Variants in CFDP1 observed in about 807,000 individuals in gnomAD.
CFDP1 encodes heterochromatin-stabilizing protein CFDP1.
CFDP1 carries 31 observed loss-of-function variants against 40.1 expected under a neutral mutation model. That is an observed-to-expected ratio of 0.77 (90% CI 0.58 to 1.04). CFDP1 has a LOEUF of 1.04. Ranked by LOEUF, CFDP1 falls within the 50% of genes least tolerant of loss-of-function variation. The pLI is 0.00. For missense variants in CFDP1, 423 were observed against 343.4 expected (o/e 1.23, Z -1.83); for synonymous variants, 167 against 120.0 (o/e 1.39, Z -2.56).
At chr16:75,343,800 A>G (rs945648955) in intron 5 of CFDP1, among the ~76,000 whole-genome samples, 4 of 152,220 alleles carry the variant, frequency 2.6e-5, no homozygotes, top group Non-Finnish European at 4.4e-5. Flanking sequence ...CTCGCGCATG[A>G]AAGGCTGATT....
At chr16:75,411,395 A>G (rs1484122782) in intron 4 of CFDP1, among the ~76,000 whole-genome samples, 1 of 152,162 alleles carries the variant, frequency 6.6e-6, no homozygotes, top group Non-Finnish European at 1.5e-5. Context: ...TGGGCTACAG[A>G]GCAAGACTCC....
At chr16:75,426,149 A>C (rs1310754244) in intron 1 of CFDP1, among the ~76,000 whole-genome samples, 1 of 151,402 alleles carries the variant, frequency 6.6e-6, no homozygotes, top group East Asian at 1.9e-4. Context: ...TTGGGAGTTC[A>C]AGACCAGCCT....
chr16:75,347,762 T>C (rs913536146), intron 5 of CFDP1, among the ~76,000 whole-genome samples: 2 of 152,224 alleles, frequency 1.3e-5, no homozygotes, highest in African/African-American at 4.8e-5. Flanking sequence ...AAACTCCATC[T>C]TGACCAAATG....
Position 75,347,632 on chromosome 16 carries a change from T to C in CFDP1, c.651-42450A>G, listed in dbSNP as rs568633137. Among the ~76,000 whole-genome samples, 8 of 152,112 alleles carry C rather than the reference T, an allele frequency of 5.3e-5. No homozygotes were observed. The South Asian group carries it at 1.7e-3, about 32-fold the overall frequency. ...AGGCGGAGGTTGCAGTGAGCTGAGA[T>C]CGCGCCACTGCACTCCAGCCTGGGT... On this transcript the variant is annotated intron_variant, in intron 5 of 6. Transcript: ENST00000283882.
At chr16:75,344,440 G>T (rs918649912) in intron 5 of CFDP1, among the ~76,000 whole-genome samples, 1 of 152,160 alleles carries the variant, frequency 6.6e-6, no homozygotes, top group African/African-American at 2.4e-5. Context: ...TATGCCATTA[G>T]AAAAGTAACT....
chr16:75,409,958 A>G (rs976255855), intron 4 of CFDP1, among the ~76,000 whole-genome samples: 4 of 150,552 alleles, frequency 2.7e-5, no homozygotes, highest in African/African-American at 7.3e-5. Flanking sequence ...AGAGTAGTAC[A>G]TCCCTGAAGT....
At chr16:75,384,588 C>T (rs1464456033) in intron 5 of CFDP1, among the ~76,000 whole-genome samples, 1 of 151,970 alleles carries the variant, frequency 6.6e-6, no homozygotes. Flanking sequence ...CCCAGCAATC[C>T]CACTTCTAAA....
chr16:75,373,102 C>T (rs958294973), intron 5 of CFDP1, among the ~76,000 whole-genome samples: 1 of 152,176 alleles, frequency 6.6e-6, no homozygotes, highest in Admixed American at 6.5e-5. Context: ...TATGCTGGAG[C>T]AGCTACTCCC....
chr16:75,394,066 G>T (rs1001109895), intron 5 of CFDP1, among the ~76,000 whole-genome samples: 1 of 152,036 alleles, frequency 6.6e-6, no homozygotes, highest in African/African-American at 2.4e-5. Context: ...AAAAAAAAAT[G>T]TGAAACAAAA....
intron 5 of CFDP1, among the ~76,000 whole-genome samples, chr16:75,324,157 G>C (rs1244531234): frequency 1.3e-5 from 2 of 152,084 alleles, no homozygotes; most frequent in East Asian, 3.9e-4. Context: ...AATTACATTA[G>C]GAGAAAACCA....
intron 5 of CFDP1, among the ~76,000 whole-genome samples, chr16:75,318,981 C>G (rs887522401): frequency 1.3e-5 from 2 of 152,176 alleles, no homozygotes; most frequent in Admixed American, 1.3e-4. Flanking sequence ...AAGCACATAG[C>G]TTTAAATGAA....
At chr16:75,318,346 T>C (rs573064579) in intron 5 of CFDP1, among the ~76,000 whole-genome samples, 9 of 151,904 alleles carry the variant, frequency 5.9e-5, no homozygotes, top group African/African-American at 1.9e-4. Context: ...AAGATCAATA[T>C]GCCTCAGTGG....
intron 4 of CFDP1, among the ~76,000 whole-genome samples, chr16:75,399,182 C>A (rs138096910): frequency 5.5e-4 from 84 of 152,056 alleles, no homozygotes; most frequent in African/African-American, 2.0e-3. Flanking sequence ...CCCCTGGAAC[C>A]AAGAGAAATT....
chr16:75,323,896 C>T (rs941870455), intron 5 of CFDP1, among the ~76,000 whole-genome samples: 6 of 152,152 alleles, frequency 3.9e-5, no homozygotes, highest in Admixed American at 1.3e-4. Context: ...TGTGAACACA[C>T]GAGTGGTGTG....
Position 75,395,128 on chromosome 16 carries a change from A to G in CFDP1, c.612T>C (p.Asn204=). ...GGAGTGATGGCAGAGCTGAAGGAAC[A>G]TTAGCCTGTGGTTTTTCTTTCTCAT... ...KQNEKEKPQA[N]VPSALPSLPA... The change falls in exon 5 of 7, where the codon AAT becomes AAC. Residue 204 remains asparagine, a synonymous_variant. Transcript: ENST00000283882. 6.2e-7 allele frequency: 1 copy of G among 1,614,000 alleles called. No homozygotes were observed.
chr16:75,393,339 AACCTTT>A (rs2078968103), intron 5 of CFDP1, among the ~76,000 whole-genome samples: 1 of 152,088 alleles, frequency 6.6e-6, no homozygotes, highest in Non-Finnish European at 1.5e-5. Flanking sequence ...CATGCACTTA[AACCTTT>A]ATCTCAGGGT....
At chr16:75,413,785 C>T (rs2079182645) in intron 2 of CFDP1, among the ~76,000 whole-genome samples, 1 of 152,124 alleles carries the variant, frequency 6.6e-6, no homozygotes, top group African/African-American at 2.4e-5. Flanking sequence ...AGTTAAATAA[C>T]CTGTCAGAAT....
chr16:75,350,248 G>C (rs2078601364), intron 5 of CFDP1, among the ~76,000 whole-genome samples: 1 of 151,970 alleles, frequency 6.6e-6, no homozygotes, highest in African/African-American at 2.4e-5. Flanking sequence ...ATTTTTTGTG[G>C]GTATATGCAC....
At position 75,391,888 on chromosome 16, in the gene CFDP1, A is replaced by G. The variant is rs991454994; in HGVS notation, c.650+3202T>C. ...GGAGGCTGAGGCAGGGAACTGCTTG[A>G]ACCCAGGAGGTGGAGCTTGCAGTGA... On this transcript the variant is annotated intron_variant, in intron 5 of 6. Transcript: ENST00000283882. Among the ~76,000 whole-genome samples, 18 of 151,976 alleles carry G rather than the reference A, an allele frequency of 1.2e-4. 1 individual carries two copies. Among genetic ancestry groups the G allele is most frequent in the Non-Finnish European group, 1.3e-4 (9 of 68,000 alleles).
Sources: gnomAD v4.1 joint callset for allele counts (sites outside exome capture counted in the v4.1 genomes callset) on GRCh38, gnomAD v4.1.1 for gene constraint, MANE v1.5 for transcripts, NCBI Gene and HGNC (gene_info 2026-07-23, HGNC 2026-07-21) for gene names.